Variants in B3GALT1 observed in about 807,000 individuals in gnomAD.
B3GALT1 encodes the protein beta-1,3-galactosyltransferase 1, also known as UDP-Gal:betaGlcNAc beta 1,3-galactosyltransferase, polypeptide 1.
A neutral mutation model predicts 23.2 loss-of-function variants in B3GALT1; 10 were observed. The observed-to-expected ratio is 0.43, with a 90% confidence interval of 0.27 to 0.73. The LOEUF (loss-of-function observed/expected upper bound fraction) is 0.73. B3GALT1 is among the 30% of genes least tolerant of loss of function. B3GALT1 has a pLI of 0.21. For missense variants in B3GALT1, 299 were observed against 405.4 expected, an observed-to-expected ratio of 0.74 and a Z score of 2.25; for synonymous variants, 156 against 141.5, an observed-to-expected ratio of 1.10 and a Z score of -0.73.
intron 1 of B3GALT1, among the ~76,000 whole-genome samples, chr2:167,301,757 C>T (rs551954879): frequency 2.6e-5 from 4 of 152,082 alleles, no homozygotes; most frequent in African/African-American, 7.3e-5. Context: ...CCATGTTGGC[C>T]AGGCCAGTGA....
chr2:167,524,017 A>G (rs1683177078), intron 2 of B3GALT1, among the ~76,000 whole-genome samples: 1 of 152,126 alleles, frequency 6.6e-6, no homozygotes, highest in Non-Finnish European at 1.5e-5. Flanking sequence ...AATTTTCTTG[A>G]TATAGGATGT....
At chr2:167,583,696 T>A (rs985953967) in intron 2 of B3GALT1, among the ~76,000 whole-genome samples, 1 of 152,228 alleles carries the variant, frequency 6.6e-6, no homozygotes, top group Non-Finnish European at 1.5e-5. Context: ...ATACTCGATT[T>A]GTCAGATCTT....
chr2:167,340,636 G>A (rs910342853), intron 1 of B3GALT1, among the ~76,000 whole-genome samples: 3 of 152,300 alleles, frequency 2.0e-5, no homozygotes, highest in South Asian at 4.1e-4. Context: ...TCACCTTGAC[G>A]TAACTCTTTT....
At chr2:167,568,847 G>T (rs1238499070) in intron 2 of B3GALT1, among the ~76,000 whole-genome samples, 1 of 151,740 alleles carries the variant, frequency 6.6e-6, no homozygotes, top group South Asian at 2.1e-4. Flanking sequence ...TATTTTTGAG[G>T]ATTTTTATAG....
At chr2:167,519,382 C>A (rs1045174409) in intron 2 of B3GALT1, among the ~76,000 whole-genome samples, 3 of 150,822 alleles carry the variant, frequency 2.0e-5, no homozygotes, top group Non-Finnish European at 4.4e-5. Context: ...AAAACACATT[C>A]ATTTAGATAC....
chr2:167,759,915 A>G (rs1201990710), intron 3 of B3GALT1, among the ~76,000 whole-genome samples: 1 of 152,192 alleles, frequency 6.6e-6, no homozygotes, highest in East Asian at 1.9e-4. Flanking sequence ...GTGTCGTTAT[A>G]GCTGAGCCAC....
intron 1 of B3GALT1, among the ~76,000 whole-genome samples, chr2:167,352,280 GTTTTTT>G (rs751182725): frequency 2.3e-4 from 2 of 8,630 alleles, no homozygotes; most frequent in Non-Finnish European, 5.4e-4. Flanking sequence ...TTTTTTTTTT[GTTTTTT>G]TTTTTTTAAG....
intron 2 of B3GALT1, among the ~76,000 whole-genome samples, chr2:167,538,239 G>T (rs1055903472): frequency 6.6e-6 from 1 of 152,072 alleles, no homozygotes; most frequent in African/African-American, 2.4e-5. Flanking sequence ...CTGGATACTA[G>T]AAAACAAACA....
chr2:167,536,860 G>T (rs557005799), intron 2 of B3GALT1, among the ~76,000 whole-genome samples: 1 of 152,198 alleles, frequency 6.6e-6, no homozygotes, highest in South Asian at 2.1e-4. Context: ...ACCCACTAAA[G>T]TTGCAGAAGA....
intron 1 of B3GALT1, among the ~76,000 whole-genome samples, chr2:167,302,427 A>G (rs527900810): frequency 6.6e-6 from 1 of 152,226 alleles, no homozygotes. Context: ...CATTGGAGTG[A>G]TATGCTTAAT....
At chr2:167,621,200 C>T (rs938915937) in intron 2 of B3GALT1, among the ~76,000 whole-genome samples, 1 of 150,304 alleles carries the variant, frequency 6.7e-6, no homozygotes, top group Non-Finnish European at 1.5e-5. Flanking sequence ...GCAATCCTGC[C>T]ACGTCAGCCT....
intron 1 of B3GALT1, among the ~76,000 whole-genome samples, chr2:167,335,347 A>G (rs1011768878): frequency 1.3e-5 from 2 of 152,222 alleles, no homozygotes; most frequent in Admixed American, 1.3e-4. Context: ...ACTCAAATAT[A>G]GAAGTACGGA....
intron 1 of B3GALT1, among the ~76,000 whole-genome samples, chr2:167,431,573 A>G (rs867072543): frequency 1.3e-5 from 2 of 152,182 alleles, no homozygotes. Context: ...ATTTTTCTTG[A>G]CAATAATTGG....
chr2:167,667,836 G>A (rs1354947905), intron 3 of B3GALT1, among the ~76,000 whole-genome samples: 1 of 152,160 alleles, frequency 6.6e-6, no homozygotes, highest in African/African-American at 2.4e-5. Flanking sequence ...GGTTATTCAA[G>A]TTATAGATTC....
intron 2 of B3GALT1, among the ~76,000 whole-genome samples, chr2:167,615,680 T>C (rs773136702): frequency 8.6e-5 from 13 of 151,946 alleles, no homozygotes; most frequent in Non-Finnish European, 2.9e-5. Context: ...AAGCAAACAA[T>C]GTTAAGATTT....
intron 4 of B3GALT1, among the ~76,000 whole-genome samples, chr2:167,838,965 C>A (rs1357171117): frequency 6.6e-6 from 1 of 152,172 alleles, no homozygotes; most frequent in African/African-American, 2.4e-5. Context: ...ATGCCTTTGA[C>A]AAAATTCAAC....
At chr2:167,639,015 G>C (rs565728933) in intron 2 of B3GALT1, among the ~76,000 whole-genome samples, 2 of 152,098 alleles carry the variant, frequency 1.3e-5, no homozygotes, top group African/African-American at 2.4e-5. Flanking sequence ...CAAGGAGTAT[G>C]CTTAGTTAAT....
At chr2:167,626,421 A>T (rs1230880687) in intron 2 of B3GALT1, among the ~76,000 whole-genome samples, 1 of 151,646 alleles carries the variant, frequency 6.6e-6, no homozygotes, top group Non-Finnish European at 1.5e-5. Context: ...CAACAAACCT[A>T]CCAAGTAAAA....
At chr2:167,602,418 C>T (rs1684893568) in intron 2 of B3GALT1, among the ~76,000 whole-genome samples, 2 of 152,088 alleles carry the variant, frequency 1.3e-5, no homozygotes, top group South Asian at 4.2e-4. Flanking sequence ...GGAACTAAAA[C>T]CACTTTAGAA....
Sources: gnomAD v4.1 joint callset for allele counts (sites outside exome capture counted in the v4.1 genomes callset) on GRCh38, gnomAD v4.1.1 for gene constraint, MANE v1.5 for transcripts, NCBI Gene and HGNC (gene_info 2026-07-23, HGNC 2026-07-21) for gene names.